POLR2F: variants seen among roughly 807,000 people sequenced by gnomAD.
POLR2F encodes the protein RNA polymerase II, I and III subunit F.
POLR2F carries 12 observed loss-of-function variants against 22.7 expected under a neutral mutation model. The ratio of observed to expected loss-of-function variants is 0.53; its 90% CI spans 0.34 to 0.86. The LOEUF is 0.86. Among genes scored for constraint, POLR2F ranks in the 40% least tolerant of loss-of-function variants. The pLI is 0.02. For synonymous variants in POLR2F, 57 were observed against 66.0 expected (o/e 0.86, Z 0.66); for missense variants, 126 against 171.5 (o/e 0.73, Z 1.48).
At position 38,016,756 on chromosome 22, in the gene POLR2F, G is replaced by A. The variant is rs903064811; in HGVS notation, c.121-9113G>A. ...CGGGGGGAGGGGGCGGGAGGGGGCC[G>A]CCGTCAATGCCCGCATTGTCCCCGC... is the stretch of plus-strand genomic sequence containing the variant. On this transcript the variant is annotated intron_variant, in intron 1 of 2. Transcript: ENST00000333418. The surrounding 1 kb of genome is among the most constrained non-coding windows in gnomAD (Gnocchi z 4.4). Among the ~76,000 whole-genome samples, 3 of 151,886 alleles carry A rather than the reference G, an allele frequency of 2.0e-5. No homozygotes were observed. Among genetic ancestry groups the A allele is most frequent in the Admixed American group, 6.5e-5 (1 of 15,272 alleles).
chr22:38,030,413 G>T (rs2085053315), downstream of POLR2F, among the ~76,000 whole-genome samples: 1 of 152,144 alleles, frequency 6.6e-6, no homozygotes, highest in African/African-American at 2.4e-5. Flanking sequence ...AGCTTCCAAG[G>T]TAATATCAAC....
chr22:38,040,867 TA>T, intron 5 of POLR2F: 1 of 737,436 alleles, frequency 1.4e-6, no homozygotes, highest in Non-Finnish European at 2.2e-6. Flanking sequence ...GCAGCTTTTA[TA>T]AAACGTGTGG....
chr22:38,031,909 T>C lies in POLR2F; in HGVS notation c.453-9159T>C, dbSNP rs999626829. Among the ~76,000 whole-genome samples the C allele has an allele frequency of 2.0e-5, 3 of 152,114 alleles. No homozygotes were observed. Among genetic ancestry groups the C allele is most frequent in the Non-Finnish European group, 4.4e-5 (3 of 68,016 alleles). On this transcript the variant is annotated intron_variant, in intron 5 of 5. Transcript: ENST00000407936. This position sits in a 1 kb window ranked among gnomAD's most constrained non-coding sequence, Gnocchi z 4.1. The stretch of plus-strand genomic sequence containing the variant: ...ATGACAATTTTTCCTTCCAAACACA[T>C]CCGTAGTCCCCTCCCCAGCATTCTA...
intron 5 of POLR2F, chr22:38,033,030 G>C (rs942274432): frequency 6.0e-6 from 1 of 167,060 alleles, no homozygotes; most frequent in Middle Eastern, 3.4e-3. Context: ...AACCTGTGAC[G>C]CAACACCTCC....
Position 38,009,587 on chromosome 22 carries a change from A to G in POLR2F, c.121-16282A>G, listed in dbSNP as rs545958766. 2.6e-5 allele frequency among the ~76,000 whole-genome samples: 4 copies of G among 152,362 alleles called. No individual in the cohort carries two copies. In the South Asian group the frequency reaches 8.3e-4, roughly 32 times the overall value. ...TGGATGAGTTTTGACACATGTATGC[A>G]TCACACATGAAACTCTATCACCACA... On this transcript the variant is annotated intron_variant, in intron 1 of 2. Transcript: ENST00000333418.
chr22:37,994,891 C>T (rs1396316352), intron 1 of POLR2F, among the ~76,000 whole-genome samples: 3 of 152,192 alleles, frequency 2.0e-5, no homozygotes, highest in African/African-American at 7.2e-5. Context: ...GCTATCCTCC[C>T]GCCTTGGCCT....
chr22:37,988,397 G>A (rs1932646366), intron 1 of POLR2F: 1 of 149,920 alleles, frequency 6.7e-6, no homozygotes. Context: ...ATTCCTGTAA[G>A]CCCAGCACTT....
intron 1 of POLR2F, among the ~76,000 whole-genome samples, chr22:37,993,863 C>T (rs1173933658): frequency 6.6e-6 from 1 of 152,126 alleles, no homozygotes; most frequent in Non-Finnish European, 1.5e-5. Flanking sequence ...GTGGCGGGCG[C>T]CTGTAGTCCC....
Position 37,968,641 on chromosome 22 carries a change from T to C in POLR2F, c.*926T>C, listed in dbSNP as rs1232470433. 50 of 985,412 alleles carry C rather than the reference T, an allele frequency of 5.1e-5. 1 individual carries two copies. The highest frequency in any genetic ancestry group is 5.5e-5 in the Non-Finnish European group (46 of 829,936). The allele number at this position is 985,412 out of a possible 1,614,324, so 61.0% of individuals were successfully genotyped here. A position where few individuals can be genotyped will look rare whatever the true frequency, so the allele number is the denominator to read the frequency against. On this transcript the variant is annotated 3_prime_UTR_variant, in exon 5 of 5. Transcript: ENST00000442738. ...AAGACCAGTCACACTGGCTCCTCCCTCCTAGAGGGGGTCAGGGGGAGGGTG... is the reference window on the plus strand; with the variant it reads ...AAGACCAGTCACACTGGCTCCTCCCCCCTAGAGGGGGTCAGGGGGAGGGTG...
intron 1 of POLR2F, among the ~76,000 whole-genome samples, chr22:38,018,476 G>A (rs1184622303): frequency 6.6e-6 from 1 of 152,068 alleles, no homozygotes; most frequent in African/African-American, 2.4e-5. Context: ...GCTGAAGGAG[G>A]GGTCAGGGTC....
chr22:37,967,463 T>C (rs1427855173), intron 4 of POLR2F, 162 bp from the exon 5 acceptor site: 6 of 1,438,496 alleles, frequency 4.2e-6, no homozygotes, highest in Admixed American at 5.9e-5. Flanking sequence ...ATATAAAAAC[T>C]TTCTTTTTCT....
intron 3 of POLR2F, among the ~76,000 whole-genome samples, chr22:37,959,783 A>G: frequency 6.7e-6 from 1 of 148,630 alleles, no homozygotes; most frequent in Non-Finnish European, 1.5e-5. Flanking sequence ...GTGAATTCAG[A>G]GCCAATGTGT....
intron 1 of POLR2F, among the ~76,000 whole-genome samples, chr22:38,001,073 C>T (rs1203976329): frequency 6.6e-6 from 1 of 152,162 alleles, no homozygotes; most frequent in Non-Finnish European, 1.5e-5. Flanking sequence ...TGCAGCACCA[C>T]TGAGAGGAGG....
chr22:37,953,670 T>G (rs56091864), upstream of POLR2F: 46 of 1,268,248 alleles, frequency 3.6e-5, no homozygotes, highest in Admixed American at 1.4e-4. Context: ...GGAAGTGATT[T>G]CCTCTGGGTT....
chr22:38,021,737 G>A (rs866544734), intron 1 of POLR2F, among the ~76,000 whole-genome samples: 3 of 151,948 alleles, frequency 2.0e-5, no homozygotes, highest in South Asian at 2.1e-4. Flanking sequence ...GATTACAGGC[G>A]TGAGCCACTG....
intron 1 of POLR2F, among the ~76,000 whole-genome samples, chr22:37,996,950 T>G (rs2084720346): frequency 6.6e-6 from 1 of 151,982 alleles, no homozygotes; most frequent in Non-Finnish European, 1.5e-5. Context: ...TCCCCAGCCT[T>G]GAAACTCCCA....
chr22:38,033,830 G>C (rs1233079418), intron 5 of POLR2F, among the ~76,000 whole-genome samples: 1 of 152,158 alleles, frequency 6.6e-6, no homozygotes, highest in African/African-American at 2.4e-5. Flanking sequence ...GAAGGGCCTC[G>C]AGGCTTCTGT....
intron 3 of POLR2F, among the ~76,000 whole-genome samples, chr22:37,963,974 C>T (rs543758166): frequency 2.6e-5 from 4 of 152,092 alleles, no homozygotes; most frequent in Admixed American, 6.5e-5. Context: ...TGGTGGCGCG[C>T]GCCTATAATC....
At chr22:37,958,889 C>T (rs1210148229) in intron 2 of POLR2F, among the ~76,000 whole-genome samples, 1 of 152,186 alleles carries the variant, frequency 6.6e-6, no homozygotes, top group Non-Finnish European at 1.5e-5. Context: ...GTTAAATATT[C>T]CTGCCTTCAC....
Sources: gnomAD v4.1 joint callset for allele counts (sites outside exome capture counted in the v4.1 genomes callset) on GRCh38, gnomAD v4.1.1 for gene constraint, Gnocchi (gnomAD v3.1) non-coding constraint, MANE v1.5 for transcripts, NCBI Gene and HGNC (gene_info 2026-07-23, HGNC 2026-07-21) for gene names.